The following BBS9 variants were observed in gnomAD, a reference collection of about 807,000 sequenced individuals.
BBS9 encodes Bardet-Biedl syndrome 9.
A neutral mutation model predicts 117.7 loss-of-function variants in BBS9; 89 were observed. The observed-to-expected ratio is 0.76, with a 90% CI of 0.64 to 0.90. BBS9 has a LOEUF of 0.90. BBS9 is among the 40% of genes least tolerant of loss of function. The pLI, the probability that BBS9 is intolerant of heterozygous loss-of-function variation, is 0.00. For missense variants in BBS9, 982 were observed against 1,042.2 expected (o/e 0.94, Z 0.80); for synonymous variants, 379 against 370.9 (o/e 1.02, Z -0.25).
chr7:33,432,141 G>A (rs1377038325), intron 19 of BBS9, among the ~76,000 whole-genome samples: 3 of 149,654 alleles, frequency 2.0e-5, no homozygotes, highest in Non-Finnish European at 4.4e-5. Flanking sequence ...CTGGAGTGCA[G>A]TGGTGCGATC....
intron 19 of BBS9, among the ~76,000 whole-genome samples, chr7:33,478,950 T>G (rs1292101540): frequency 6.6e-6 from 1 of 151,854 alleles, no homozygotes; most frequent in Middle Eastern, 3.4e-3. Flanking sequence ...ATTTGATTGA[T>G]AATGTTACTT....
downstream of BBS9, among the ~76,000 whole-genome samples, chr7:33,606,825 T>A (rs73690948): frequency 0.024 from 3,673 of 152,264 alleles, 126 homozygotes; most frequent in East Asian, 0.087. Flanking sequence ...CTTTTAGCCC[T>A]ATTTTCTGGC....
intron 4 of BBS9, among the ~76,000 whole-genome samples, chr7:33,160,256 A>G (rs543003844): frequency 1.3e-5 from 2 of 152,224 alleles, no homozygotes; most frequent in African/African-American, 2.4e-5. Flanking sequence ...AATGATGTCT[A>G]TTTAGAAGAA....
At chr7:33,528,671 T>C (rs1850065032) in intron 20 of BBS9, among the ~76,000 whole-genome samples, 1 of 152,208 alleles carries the variant, frequency 6.6e-6, no homozygotes, top group Non-Finnish European at 1.5e-5. Context: ...GCATAATGAA[T>C]AGTGTTATTG....
intron 19 of BBS9, among the ~76,000 whole-genome samples, chr7:33,471,191 A>G (rs1227431031): frequency 6.6e-6 from 1 of 152,058 alleles, no homozygotes; most frequent in Non-Finnish European, 1.5e-5. Flanking sequence ...TCCTCCTTTT[A>G]CTTGATTTTT....
At chr7:33,202,183 T>C (rs1185508607) in intron 5 of BBS9, among the ~76,000 whole-genome samples, 1 of 152,216 alleles carries the variant, frequency 6.6e-6, no homozygotes, top group African/African-American at 2.4e-5. Context: ...AATTTCATTT[T>C]CATTGCTGTC....
At chr7:33,384,329 AC>A (rs1825632629) in intron 18 of BBS9, among the ~76,000 whole-genome samples, 1 of 152,248 alleles carries the variant, frequency 6.6e-6, no homozygotes, top group Non-Finnish European at 1.5e-5. Flanking sequence ...CTGAATGATT[AC>A]ATATATGAAT....
chr7:33,349,710 C>T (rs1249981782), intron 13 of BBS9, among the ~76,000 whole-genome samples: 1 of 152,182 alleles, frequency 6.6e-6, no homozygotes, highest in Admixed American at 6.5e-5. Context: ...AGATTACAAG[C>T]GTGAGCCACC....
chr7:33,326,689 A>G (rs1408622786), intron 9 of BBS9, among the ~76,000 whole-genome samples: 1 of 151,888 alleles, frequency 6.6e-6, no homozygotes, highest in African/African-American at 2.4e-5. Flanking sequence ...CTCTTTAATC[A>G]GTAGGTAATG....
intron 19 of BBS9, among the ~76,000 whole-genome samples, chr7:33,480,207 C>T (rs573644060): frequency 6.6e-6 from 1 of 152,270 alleles, no homozygotes; most frequent in South Asian, 2.1e-4. Context: ...CTTCTACATT[C>T]TTATCAGAAG....
chr7:33,483,371 C>T (rs542955688), intron 19 of BBS9, among the ~76,000 whole-genome samples: 35 of 152,238 alleles, frequency 2.3e-4, no homozygotes, highest in Admixed American at 1.6e-3. Flanking sequence ...GCTTTTTTCA[C>T]GTGGCTCTGT....
intron 1 of BBS9, among the ~76,000 whole-genome samples, chr7:33,144,711 C>A (rs758983830): frequency 3.2e-4 from 48 of 152,146 alleles, no homozygotes; most frequent in Admixed American, 2.6e-3. Context: ...TGTGATGTAT[C>A]TTGTGGAGAA....
At chr7:33,311,335 C>T (rs1809180559) in intron 9 of BBS9, among the ~76,000 whole-genome samples, 1 of 152,094 alleles carries the variant, frequency 6.6e-6, no homozygotes, top group Non-Finnish European at 1.5e-5. Flanking sequence ...GGTTTCTGAT[C>T]AAGGGAATGA....
intron 21 of BBS9, among the ~76,000 whole-genome samples, chr7:33,545,156 T>G (rs538575871): frequency 6.6e-6 from 1 of 152,340 alleles, no homozygotes; most frequent in South Asian, 2.1e-4. Context: ...TAGTTCTTCC[T>G]CTGCCTGTAG....
intron 17 of BBS9, chr7:33,380,399 G>A (rs1240634811): frequency 6.4e-6 from 1 of 156,040 alleles, no homozygotes; most frequent in African/African-American, 2.4e-5. Context: ...ACAAGGAGGT[G>A]GATGTGACAC....
intron 1 of BBS9, among the ~76,000 whole-genome samples, chr7:33,134,184 G>A (rs75500894): frequency 0.16 from 23,798 of 151,178 alleles, 2,052 homozygotes; most frequent in South Asian, 0.21. Flanking sequence ...CAAGTAATTG[G>A]GCTTACAGGC....
chr7:33,471,241 A>C (rs1414539224), intron 19 of BBS9, among the ~76,000 whole-genome samples: 1 of 152,188 alleles, frequency 6.6e-6, no homozygotes, highest in Non-Finnish European at 1.5e-5. Flanking sequence ...GAAATGCTGC[A>C]AGTGATGGTC....
intron 17 of BBS9, among the ~76,000 whole-genome samples, chr7:33,371,276 A>G (rs999567958): frequency 1.3e-5 from 2 of 152,182 alleles, no homozygotes; most frequent in African/African-American, 4.8e-5. Flanking sequence ...AAATAATGAT[A>G]AAACTCCATT....
At chr7:33,369,540 G>A (rs1287689226) in intron 17 of BBS9, among the ~76,000 whole-genome samples, 1 of 152,070 alleles carries the variant, frequency 6.6e-6, no homozygotes, top group South Asian at 2.1e-4. Flanking sequence ...TAATGGAATA[G>A]GACAGGACCT....
Sources: gnomAD v4.1 joint callset for allele counts (sites outside exome capture counted in the v4.1 genomes callset) on GRCh38, gnomAD v4.1.1 for gene constraint, MANE v1.5 for transcripts, NCBI Gene and HGNC (gene_info 2026-07-23, HGNC 2026-07-21) for gene names.